HAP1: variants seen among roughly 807,000 people sequenced by gnomAD.
The protein encoded by HAP1 is huntingtin associated protein 1, also known as huntingtin-associated protein 1.
HAP1 carries 59 observed loss-of-function variants against 60.3 expected under a neutral mutation model. The ratio of observed to expected loss-of-function variants is 0.98; its 90% CI spans 0.79 to 1.22. The LOEUF (loss-of-function observed/expected upper bound fraction) is 1.22, where lower values mean the gene tolerates loss of function less well. Ranked by LOEUF, HAP1 falls within the 50% of genes most tolerant of loss-of-function variation. The pLI is 0.00. For synonymous variants in HAP1, 346 were observed against 330.6 expected (o/e 1.05, Z -0.50); for missense variants, 825 against 785.3 (o/e 1.05, Z -0.60).
In HAP1 at chr17:41,732,380, G is replaced by A. The variant is rs1469768149; in HGVS notation, c.564C>T (p.Val188=). The change falls in exon 3 of 11, where the codon GTC becomes GTT. Residue 188 remains valine, a synonymous_variant. Transcript: ENST00000347901. ...LYLLEELLPP[V]WESVTYGMVL... ...CCATCCCATAGGTAACGCTCTCCCAGACAGGTGGGAGAAGCTGGGGGGGAC... is the reference window on the plus strand; with the variant it reads ...CCATCCCATAGGTAACGCTCTCCCAAACAGGTGGGAGAAGCTGGGGGGGAC... The A allele has an allele frequency of 2.0e-5, 32 of 1,613,932 alleles. No individual in the cohort carries two copies. The highest frequency in any genetic ancestry group is 2.5e-5 in the Non-Finnish European group (30 of 1,179,974).
At chr17:41,732,577 T>C (rs367782268) in intron 2 of HAP1, 142 bp downstream of exon 2, 4 of 961,748 alleles carry the variant, frequency 4.2e-6, no homozygotes, top group Admixed American at 1.9e-5. Context: ...AGCCTGAACA[T>C]CCCACATCGA....
chr17:41,732,404 A>C lies in HAP1; in HGVS notation c.550-10T>G, dbSNP rs1555591364. The C allele has an allele frequency of 6.2e-7, 1 of 1,613,192 alleles. No individual in the cohort carries two copies. The highest frequency in any genetic ancestry group is 1.1e-5 in the South Asian group (1 of 90,998). On this transcript the variant is annotated splice_polypyrimidine_tract_variant and intron_variant, in intron 2 of 10. Coordinates refer to ENST00000347901, the MANE Select transcript of HAP1 (RefSeq NM_177977.3). Reference sequence around the variant, plus strand: ...AGACAGGTGGGAGAAGCTGGGGGGGACACAGGGGTCAGAGAGAGGCTAGGC... The same window carrying C: ...AGACAGGTGGGAGAAGCTGGGGGGGCCACAGGGGTCAGAGAGAGGCTAGGC...
chr17:41,728,420 C>T (rs1308080609), intron 6 of HAP1, 89 bp from the exon 7 acceptor site: 20 of 1,273,996 alleles, frequency 1.6e-5, no homozygotes, highest in Non-Finnish European at 1.8e-5. Context: ...TCTCCCCCAC[C>T]CTCGGCTGCT....
chr17:41,734,212 C>T lies in HAP1; in HGVS notation c.423G>A (p.Gly141=). The T allele has an allele frequency of 6.3e-7, 1 of 1,599,298 alleles. No homozygotes were observed. The highest frequency in any genetic ancestry group is 8.6e-7 in the Non-Finnish European group (1 of 1,169,522). The change falls in exon 1 of 11, where the codon GGG becomes GGA. Residue 141 remains glycine (G), a synonymous_variant. Transcript: ENST00000347901. The stretch of plus-strand genomic sequence containing the variant: ...AGGCGGCGCGCTCAGGGCCGGACAC[C>T]CCGGGTCGCCGGCCAACGTAGGCGG... ...TPAAYVGRRP[G]VSGPERAAFI... is the part of the protein sequence containing the mutation.
intron 1 of HAP1, among the ~76,000 whole-genome samples, chr17:41,733,522 G>C (rs1912434285): frequency 6.6e-6 from 1 of 151,720 alleles, no homozygotes. Flanking sequence ...CTACCCAGGA[G>C]GCAGTGCAAT....
chr17:41,734,571 C>A lies in HAP1; in HGVS notation c.64G>T (p.Ala22Ser), dbSNP rs200003781. 1.9e-6 allele frequency: 3 copies of A among 1,597,882 alleles called. No homozygotes were observed. Among genetic ancestry groups the A allele is most frequent in the East Asian group, 2.3e-5 (1 of 44,420 alleles). ...GAGGGCGAAGGTGCACAGGTGAGTG[C>A]TGCTGGGTCCCCGGGTCCGAGCCGG... ...GSRLGPGDPAALTCAPSPSAS... is the reference protein window; with the variant it reads ...GSRLGPGDPASLTCAPSPSAS... Residue 22 changes from alanine (A) to serine (S), a missense_variant, in exon 1 of 11, where the codon GCA becomes TCA. Transcript: ENST00000347901.
chr17:41,718,506 C>T (rs573090510), downstream of HAP1, among the ~76,000 whole-genome samples: 1 of 152,036 alleles, frequency 6.6e-6, no homozygotes, highest in South Asian at 2.1e-4. Flanking sequence ...GGCTGGGGTT[C>T]CTACCGCCTG....
chr17:41,730,674 C>T (rs1912125718), intron 6 of HAP1, among the ~76,000 whole-genome samples: 1 of 152,174 alleles, frequency 6.6e-6, no homozygotes, highest in Non-Finnish European at 1.5e-5. Flanking sequence ...AAGGGAACAG[C>T]AGGAGTTCAG....
downstream of HAP1, among the ~76,000 whole-genome samples, chr17:41,720,351 A>T (rs1041117559): frequency 1.3e-5 from 2 of 151,524 alleles, no homozygotes; most frequent in African/African-American, 4.9e-5. Flanking sequence ...ATGTGCCACC[A>T]CACCTGGCTA....
chr17:41,729,633 C>T (rs28880402), intron 6 of HAP1, among the ~76,000 whole-genome samples: 116,990 of 142,180 alleles, frequency 0.82, 48,186 homozygotes, highest in East Asian at 0.89. Context: ...CCTAGCACTG[C>T]GGGAGGCCAA....
intron 2 of HAP1, 98 bp downstream of exon 2, chr17:41,732,620 GC>G: frequency 8.5e-7 from 1 of 1,171,984 alleles, no homozygotes; most frequent in Non-Finnish European, 1.3e-6. Context: ...CTAACCTGGG[GC>G]CCCAGAGAGA....
At chr17:41,727,651 C>T in intron 8 of HAP1, 111 bp downstream of exon 8, 2 of 699,636 alleles carry the variant, frequency 2.9e-6, no homozygotes, top group Non-Finnish European at 5.1e-6. Flanking sequence ...ACGGACAAGA[C>T]TCAGTTCCTG....
intron 9 of HAP1, 31 bp downstream of exon 9, chr17:41,727,022 T>A: frequency 8.7e-7 from 1 of 1,150,602 alleles, no homozygotes; most frequent in Non-Finnish European, 1.3e-6. Flanking sequence ...GGCCATGGCC[T>A]ATGGGGCAAG....
At chr17:41,722,541 C>G (rs149075090), downstream of HAP1, 1 of 152,330 alleles carries the variant, frequency 6.6e-6, no homozygotes, top group African/African-American at 2.4e-5. Flanking sequence ...AATAGGAGTC[C>G]TCGGCACATA....
At chr17:41,725,183 G>A (rs1911534085) in intron 10 of HAP1, 29 bp from the exon 11 acceptor site, 8 of 1,537,800 alleles carry the variant, frequency 5.2e-6, no homozygotes, top group Non-Finnish European at 7.0e-6. Context: ...CATCTTTTGA[G>A]GGGCTGGAAA....
At position 41,733,296 on chromosome 17, in the gene HAP1, C is replaced by T. The variant is rs551533680; in HGVS notation, c.470-498G>A. ...CGAACTCCTGACCTAGTGATCCGCC[C>T]GCCTCGGCCTGCCAAAGTGCTGGCT... On this transcript the variant is annotated intron_variant, in intron 1 of 10. Coordinates refer to ENST00000347901, the MANE Select transcript of HAP1 (RefSeq NM_177977.3). 4.7e-5 allele frequency among the ~76,000 whole-genome samples: 7 copies of T among 150,000 alleles called. No individual in the cohort carries two copies. The East Asian group carries it at 9.8e-4, about 21-fold the overall frequency.
chr17:41,734,122 GC>G, intron 1 of HAP1, 43 bp downstream of exon 1: 1 of 1,477,314 alleles, frequency 6.8e-7, no homozygotes, highest in Non-Finnish European at 9.1e-7. Flanking sequence ...CCCTGGAGTT[GC>G]CCCAGTCCCC....
At position 41,734,519 on chromosome 17, in the gene HAP1, G is replaced by A; in HGVS notation, c.116C>T (p.Ala39Val). The A allele has an allele frequency of 6.2e-7, 1 of 1,611,710 alleles. No homozygotes were observed. Residue 39 changes from alanine to valine, a missense_variant, in exon 1 of 11, where the codon GCG becomes GTG. Ala to Val is a moderately conservative substitution (Grantham distance 64). Transcript: ENST00000347901. ...TCCAGTGCCCCGTGCCTGCGGCTGC[G>A]CAGAGGGCTCCGGAGCGGGACTGGC... Reference protein sequence around the residue: ...PSASPAPEPSAQPQARGTGQR... With the variant: ...PSASPAPEPSVQPQARGTGQR...
rs781969405 is a variant in HAP1 at position 41,734,255 on chromosome 17, C to T, written c.380G>A (p.Gly127Asp). ...GTAGGCGGCTGGCGTCTTCCAGATG[C>T]CCGCTGCCTTTCCAGTCCCCCGGCC... ...ATGRGTGKAA[G>D]IWKTPAAYVG... The change falls in exon 1 of 11, where the codon GGC (glycine) becomes GAC (aspartate). Residue 127 changes from glycine (G) to aspartate (D), a missense_variant. Coordinates refer to ENST00000347901, the MANE Select transcript of HAP1 (RefSeq NM_177977.3). 3 of 1,605,708 alleles carry T rather than the reference C, an allele frequency of 1.9e-6. No homozygotes were observed. In the East Asian group the frequency reaches 6.7e-5, roughly 36 times the overall value.
Sources: allele counts gnomAD v4.1 joint callset (sites outside exome capture counted in the v4.1 genomes callset), GRCh38; gene constraint gnomAD v4.1.1; transcripts MANE v1.5; gene names NCBI Gene and HGNC (gene_info 2026-07-23, HGNC 2026-07-21).